The following LDLRAD4 variants were observed in gnomAD, a reference collection of about 807,000 sequenced individuals.
The protein encoded by LDLRAD4 is low density lipoprotein receptor class A domain containing 4.
LDLRAD4 carries 5 observed loss-of-function variants against 17.0 expected under a neutral mutation model. That is an observed-to-expected ratio of 0.29 (90% CI 0.15 to 0.62). The LOEUF (loss-of-function observed/expected upper bound fraction) is 0.62. LDLRAD4 is among the 20% of genes least tolerant of loss of function. The pLI, the probability that LDLRAD4 is intolerant of heterozygous loss-of-function variation, is 0.84. For missense variants in LDLRAD4, 340 were observed against 424.7 expected, an observed-to-expected ratio of 0.80 and a Z score of 1.75; for synonymous variants, 168 against 171.8, an observed-to-expected ratio of 0.98 and a Z score of 0.17.
intron 4 of LDLRAD4, among the ~76,000 whole-genome samples, chr18:13,626,109 A>G (rs1357099572): frequency 6.6e-6 from 1 of 152,084 alleles, no homozygotes; most frequent in African/African-American, 2.4e-5. Flanking sequence ...TGTGAATTAC[A>G]TCACAGACAA....
At chr18:13,442,373 T>C (rs2091080421) in intron 3 of LDLRAD4, among the ~76,000 whole-genome samples, 2 of 152,136 alleles carry the variant, frequency 1.3e-5, no homozygotes, top group African/African-American at 2.4e-5. Flanking sequence ...GGATTAGTGG[T>C]CACAGTGGCT....
chr18:13,500,489 A>G (rs1448443092), intron 3 of LDLRAD4, among the ~76,000 whole-genome samples: 1 of 152,220 alleles, frequency 6.6e-6, no homozygotes, highest in African/African-American at 2.4e-5. Flanking sequence ...TCCTGGGAGC[A>G]GCGCCTGTGG....
intron 1 of LDLRAD4, among the ~76,000 whole-genome samples, chr18:13,266,375 G>A (rs770632926): frequency 3.0e-4 from 45 of 152,258 alleles, no homozygotes; most frequent in Non-Finnish European, 5.7e-4. Flanking sequence ...CTGGTACCTC[G>A]CACTGGGTCC....
intron 4 of LDLRAD4, chr18:13,641,822 G>T (rs1228426080): frequency 3.0e-6 from 3 of 985,548 alleles, no homozygotes; most frequent in Non-Finnish European, 3.6e-6. Context: ...CGGGTTTGCT[G>T]GTTTTTCGGG....
At position 13,640,156 on chromosome 18, in the gene LDLRAD4, G is replaced by A. The variant is rs533322342; in HGVS notation, c.337-3203G>A. Among the ~76,000 whole-genome samples, 1,426 of 152,102 alleles carry A rather than the reference G, an allele frequency of 9.4e-3. 14 individuals carry two copies. Among genetic ancestry groups the A allele is most frequent in the Non-Finnish European group, 0.014 (923 of 67,980 alleles). ...AAAAAAAACAAAATTAGCTGGGTGTGGTGGCGGGCGCCTGTAGTCCCATCT... is the reference window on the plus strand; with the variant it reads ...AAAAAAAACAAAATTAGCTGGGTGTAGTGGCGGGCGCCTGTAGTCCCATCT... On this transcript the variant is annotated intron_variant, in intron 4 of 5. Coordinates refer to ENST00000359446, the Ensembl canonical transcript of LDLRAD4.
At chr18:13,426,315 A>T (rs1036974955) in intron 2 of LDLRAD4, among the ~76,000 whole-genome samples, 1 of 152,224 alleles carries the variant, frequency 6.6e-6, no homozygotes, top group Non-Finnish European at 1.5e-5. Flanking sequence ...CTTAACTGGC[A>T]CTTAGTACTA....
At chr18:13,229,895 T>C (rs1226128735) in intron 1 of LDLRAD4, among the ~76,000 whole-genome samples, 1 of 152,250 alleles carries the variant, frequency 6.6e-6, no homozygotes, top group Admixed American at 6.5e-5. Flanking sequence ...GTAGACCTGC[T>C]GTCTCCTGGC....
intron 2 of LDLRAD4, chr18:13,427,356 A>G (rs1460314579): frequency 6.5e-6 from 1 of 152,676 alleles, no homozygotes; most frequent in Non-Finnish European, 1.5e-5. Context: ...CCAAGTGGGA[A>G]AAAAATAGCA....
intron 3 of LDLRAD4, among the ~76,000 whole-genome samples, chr18:13,553,183 T>G (rs1355046136): frequency 7.9e-5 from 12 of 152,256 alleles, no homozygotes; most frequent in Non-Finnish European, 1.8e-4. Context: ...AGCTTGTGAT[T>G]TGTTCAGTAT....
At chr18:13,394,015 A>G (rs1010813802) in intron 2 of LDLRAD4, among the ~76,000 whole-genome samples, 2 of 147,238 alleles carry the variant, frequency 1.4e-5, no homozygotes, top group African/African-American at 5.0e-5. Flanking sequence ...CCTACTTGCA[A>G]TTTAGTAGGT....
At chr18:13,413,708 C>T (rs374802869) in intron 2 of LDLRAD4, among the ~76,000 whole-genome samples, 2 of 152,158 alleles carry the variant, frequency 1.3e-5, no homozygotes, top group East Asian at 3.9e-4. Context: ...CTAACGATTG[C>T]TGTGTAGTGA....
At chr18:13,232,766 G>T (rs543469237) in intron 1 of LDLRAD4, among the ~76,000 whole-genome samples, 4 of 152,276 alleles carry the variant, frequency 2.6e-5, no homozygotes, top group Non-Finnish European at 2.9e-5. Flanking sequence ...TCTCTCCTCC[G>T]CAGCCCAGGA....
At chr18:13,322,425 C>T (rs1055259989) in intron 1 of LDLRAD4, among the ~76,000 whole-genome samples, 1 of 151,436 alleles carries the variant, frequency 6.6e-6, no homozygotes, top group South Asian at 2.1e-4. Flanking sequence ...TCAGCCTCCC[C>T]AGTAGATGAG....
chr18:13,637,884 AAAAAG>A (rs1568439689), intron 4 of LDLRAD4, among the ~76,000 whole-genome samples: 1 of 151,750 alleles, frequency 6.6e-6, no homozygotes, highest in African/African-American at 2.4e-5. Flanking sequence ...AAAAAAAAAA[AAAAAG>A]AGAGAGAGAG....
intron 1 of LDLRAD4, among the ~76,000 whole-genome samples, chr18:13,381,498 C>G (rs914050106): frequency 2.0e-5 from 3 of 152,162 alleles, no homozygotes; most frequent in African/African-American, 7.2e-5. Context: ...GAGCCAGGGC[C>G]GGGAGTCACC....
intron 1 of LDLRAD4, among the ~76,000 whole-genome samples, chr18:13,342,703 A>G (rs569878282): frequency 5.9e-5 from 9 of 151,602 alleles, no homozygotes; most frequent in Admixed American, 1.3e-4. Context: ...TATTTTCCAT[A>G]CTTTCACTTT....
chr18:13,553,814 T>C (rs1008091936), intron 3 of LDLRAD4, among the ~76,000 whole-genome samples: 14 of 152,154 alleles, frequency 9.2e-5, no homozygotes, highest in African/African-American at 3.4e-4. Context: ...TGTTCATACA[T>C]GAAGCAATCT....
chr18:13,424,104 C>T (rs553328718), intron 2 of LDLRAD4, among the ~76,000 whole-genome samples: 25 of 150,346 alleles, frequency 1.7e-4, no homozygotes, highest in South Asian at 1.5e-3. Context: ...CATTGCACTC[C>T]AGCCTGGGCG....
intron 3 of LDLRAD4, among the ~76,000 whole-genome samples, chr18:13,511,871 C>A (rs1378763548): frequency 2.6e-5 from 4 of 152,186 alleles, no homozygotes; most frequent in Non-Finnish European, 5.9e-5. Flanking sequence ...CTTAATGCCC[C>A]CAAATCAGAC....
Sources: allele counts gnomAD v4.1 joint callset (sites outside exome capture counted in the v4.1 genomes callset), GRCh38; gene constraint gnomAD v4.1.1; transcripts MANE v1.5; gene names NCBI Gene and HGNC (gene_info 2026-07-23, HGNC 2026-07-21).